Variants in DLC1 observed in about 807,000 individuals in gnomAD.
The protein encoded by DLC1 is rho GTPase-activating protein 7.
A neutral mutation model predicts 140.3 loss-of-function variants in DLC1; 54 were observed. That is an observed-to-expected ratio of 0.38 (90% CI 0.31 to 0.48). The LOEUF (loss-of-function observed/expected upper bound fraction) is 0.48, where lower values mean the gene tolerates loss of function less well. Ranked by LOEUF, DLC1 falls within the 20% of genes least tolerant of loss-of-function variation. The pLI is 0.96. For missense variants in DLC1, 2,536 were observed against 1,907.0 expected (o/e 1.33, Z -6.14); for synonymous variants, 986 against 728.1 (o/e 1.35, Z -5.70).
intron 1 of DLC1, among the ~76,000 whole-genome samples, chr8:13,520,393 T>C (rs2117282565): frequency 6.6e-6 from 1 of 152,118 alleles, no homozygotes; most frequent in South Asian, 2.1e-4. Flanking sequence ...AAATACCGCA[T>C]GTTCTCACCC....
intron 4 of DLC1, among the ~76,000 whole-genome samples, chr8:13,380,109 G>A (rs1836185840): frequency 6.6e-6 from 1 of 152,100 alleles, no homozygotes; most frequent in Non-Finnish European, 1.5e-5. Flanking sequence ...TCCCATAAAA[G>A]TTTGACTGGG....
chr8:13,388,776 G>A (rs1836630611), intron 4 of DLC1, among the ~76,000 whole-genome samples: 1 of 151,826 alleles, frequency 6.6e-6, no homozygotes, highest in Non-Finnish European at 1.5e-5. Flanking sequence ...ATACATATAT[G>A]TAAACATATC....
chr8:13,481,940 C>G (rs896068613), intron 2 of DLC1, among the ~76,000 whole-genome samples: 1 of 152,104 alleles, frequency 6.6e-6, no homozygotes, highest in Admixed American at 6.5e-5. Flanking sequence ...AATATACCTA[C>G]AAGTCTTCAA....
In DLC1 at chr8:13,312,384, A is replaced by AT. The variant is rs1563244983; in HGVS notation, c.1315-7083_1315-7082insA. ...TCAAAAAAAAAAAAAAAAAAAAAAA[A>AT]AAAATAATTTCTTTAGCAAGCTAGA... On this transcript the variant is annotated intron_variant, in intron 4 of 17. Coordinates refer to ENST00000276297, the MANE Select transcript of DLC1 (RefSeq NM_182643.3). Among the ~76,000 whole-genome samples, 227 of 136,338 alleles carry AT rather than the reference A, an allele frequency of 1.7e-3. 12 individuals carry two copies. The highest frequency in any genetic ancestry group is 6.0e-3 in the African/African-American group (213 of 35,764). The allele number at this position is 136,338 out of a possible 152,430, so 89.4% of individuals were successfully genotyped here.
intron 4 of DLC1, among the ~76,000 whole-genome samples, chr8:13,391,072 A>G (rs1472702009): frequency 6.6e-6 from 1 of 152,186 alleles, no homozygotes; most frequent in Admixed American, 6.5e-5. Flanking sequence ...AATTTCGTAA[A>G]AGTCGATTGT....
intron 5 of DLC1, among the ~76,000 whole-genome samples, chr8:13,205,708 C>T (rs963603837): frequency 2.0e-5 from 3 of 152,090 alleles, no homozygotes; most frequent in Non-Finnish European, 4.4e-5. Flanking sequence ...GCATGTAGTC[C>T]ACAGGCCGTG....
chr8:13,095,101 G>A lies in DLC1; in HGVS notation c.3312C>T (p.Asn1104=), dbSNP rs1219412366. 1 of 1,614,268 alleles carries A rather than the reference G, an allele frequency of 6.2e-7. No homozygotes were observed. Among genetic ancestry groups the A allele is most frequent in the East Asian group, 2.2e-5 (1 of 44,886 alleles). ...GCGCTCTCACCTGATCCAAACAATGGTTCCGGAGGTATCGCATGGCCTGCT... is the reference window on the plus strand; with the variant it reads ...GCGCTCTCACCTGATCCAAACAATGATTCCGGAGGTATCGCATGGCCTGCT... The part of the protein sequence containing the change: ...SIQQAMRYLR[N]HCLDQVGLFR... The change falls in exon 11 of 18, where the codon AAC becomes AAT. Residue 1104 remains asparagine (N), a synonymous_variant. Coordinates refer to ENST00000276297, the MANE Select transcript of DLC1 (RefSeq NM_182643.3).
intron 5 of DLC1, among the ~76,000 whole-genome samples, chr8:13,213,024 A>G (rs1404543516): frequency 2.6e-5 from 4 of 152,340 alleles, no homozygotes; most frequent in Non-Finnish European, 5.9e-5. Context: ...CACATTTCAA[A>G]AAGAGATGTT....
intron 5 of DLC1, among the ~76,000 whole-genome samples, chr8:13,292,508 AAAG>A (rs1322767324): frequency 1.3e-5 from 2 of 152,216 alleles, no homozygotes; most frequent in African/African-American, 4.8e-5. Context: ...TAAAGTCATA[AAAG>A]AAGAAGGCCT....
chr8:13,098,425 T>C lies in DLC1; in HGVS notation c.3141A>G (p.Thr1047=). The change falls in exon 10 of 18, where the codon ACA becomes ACG. Residue 1047 remains threonine (T), a synonymous_variant. Coordinates refer to ENST00000276297, the MANE Select transcript of DLC1 (RefSeq NM_182643.3). ...LKLTALLEKY[T]PSNKHGFSWA... ...AGCTAAAACCATGCTTGTTAGAAGGTGTGTATTTCTCCAGCAGGGCCGTTA... is the reference window on the plus strand; with the variant it reads ...AGCTAAAACCATGCTTGTTAGAAGGCGTGTATTTCTCCAGCAGGGCCGTTA... The C allele has an allele frequency of 6.2e-7, 1 of 1,614,038 alleles. No homozygotes were observed. Among genetic ancestry groups the C allele is most frequent in the Non-Finnish European group, 8.5e-7 (1 of 1,180,000 alleles).
chr8:13,409,270 A>G (rs893348932), intron 2 of DLC1, among the ~76,000 whole-genome samples: 1 of 152,314 alleles, frequency 6.6e-6, no homozygotes, highest in East Asian at 1.9e-4. Flanking sequence ...ATATTAAACT[A>G]CAAAATTATC....
At chr8:13,439,044 A>G (rs1839244120) in intron 2 of DLC1, among the ~76,000 whole-genome samples, 1 of 152,244 alleles carries the variant, frequency 6.6e-6, no homozygotes, top group African/African-American at 2.4e-5. Flanking sequence ...AAACAGGCAG[A>G]GGCCGAGCAC....
At chr8:13,368,562 A>G (rs1326358114) in intron 4 of DLC1, among the ~76,000 whole-genome samples, 2 of 151,412 alleles carry the variant, frequency 1.3e-5, no homozygotes, top group Non-Finnish European at 2.9e-5. Context: ...AAAAGTTCTT[A>G]CAGAATGCCA....
At chr8:13,442,990 G>A (rs1430795143) in intron 2 of DLC1, among the ~76,000 whole-genome samples, 1 of 152,138 alleles carries the variant, frequency 6.6e-6, no homozygotes, top group Non-Finnish European at 1.5e-5. Flanking sequence ...TTAAGAAAAT[G>A]TGGCACATAT....
At chr8:13,136,464 T>C (rs1446424482) in intron 5 of DLC1, among the ~76,000 whole-genome samples, 4 of 152,322 alleles carry the variant, frequency 2.6e-5, no homozygotes, top group Admixed American at 6.5e-5. Flanking sequence ...GTTAATATGG[T>C]TAACATAATG....
intron 5 of DLC1, among the ~76,000 whole-genome samples, chr8:13,219,385 T>TACTTATATAA (rs1554473525): frequency 2.1e-3 from 258 of 124,766 alleles, no homozygotes; most frequent in African/African-American, 6.9e-3. Flanking sequence ...TATAATTATA[T>TACTTATATAA]TTCATATAAT....
intron 4 of DLC1, among the ~76,000 whole-genome samples, chr8:13,363,627 T>C (rs952356406): frequency 1.3e-5 from 2 of 152,070 alleles, no homozygotes; most frequent in Non-Finnish European, 2.9e-5. Context: ...TTGGTTAAGG[T>C]ATTTTTACAT....
intron 5 of DLC1, among the ~76,000 whole-genome samples, chr8:13,260,114 T>G (rs1830415656): frequency 1.3e-5 from 2 of 152,112 alleles, no homozygotes; most frequent in African/African-American, 4.8e-5. Context: ...CAGGAATGGC[T>G]AAATAGAACC....
At chr8:13,404,188 C>T (rs1837423888) in intron 2 of DLC1, among the ~76,000 whole-genome samples, 1 of 152,100 alleles carries the variant, frequency 6.6e-6, no homozygotes, top group African/African-American at 2.4e-5. Context: ...GAGCATATTT[C>T]TTAGGAGCAG....
Sources: allele counts gnomAD v4.1 joint callset (sites outside exome capture counted in the v4.1 genomes callset), GRCh38; gene constraint gnomAD v4.1.1; transcripts MANE v1.5; gene names NCBI Gene and HGNC (gene_info 2026-07-23, HGNC 2026-07-21).